The following SUMF2 variants were observed in gnomAD, a reference collection of about 807,000 sequenced individuals.
SUMF2 encodes the protein inactive C-alpha-formylglycine-generating enzyme 2.
SUMF2 carries 45 observed loss-of-function variants against 44.8 expected under a neutral mutation model. That is an observed-to-expected ratio of 1.00 (90% CI 0.79 to 1.29). The LOEUF is 1.29. Ranked by LOEUF, SUMF2 falls within the 50% of genes most tolerant of loss-of-function variation. The probability of loss-of-function intolerance (pLI) is 0.00; values close to 1 mark genes in which losing one functional copy is unlikely to be tolerated. For synonymous variants in SUMF2, 148 were observed against 150.4 expected, an observed-to-expected ratio of 0.98 and a Z score of 0.12; for missense variants, 418 against 389.9, an observed-to-expected ratio of 1.07 and a Z score of -0.61.
At chr7:56,082,755 C>G (rs1352982507), downstream of SUMF2, among the ~76,000 whole-genome samples, 1 of 152,308 alleles carries the variant, frequency 6.6e-6, no homozygotes, top group East Asian at 1.9e-4. Context: ...CTGGTCACTT[C>G]TAGCCATCCT....
the SUMF2 span, chr7:56,087,167 A>G: frequency 8.9e-6 from 6 of 671,154 alleles, no homozygotes; most frequent in East Asian, 2.6e-5. Flanking sequence ...AAAGACGTCA[A>G]CCTGGGATGT....
chr7:56,081,805 A>G (rs775024499), downstream of SUMF2: 22 of 1,607,292 alleles, frequency 1.4e-5, no homozygotes, highest in East Asian at 4.7e-4. The surrounding 1 kb of genome is among the most constrained non-coding windows in gnomAD (Gnocchi z 4.6). Flanking sequence ...GGTCCCCTCC[A>G]GCATGTCAGG....
chr7:56,079,864 A>G lies in SUMF2; in HGVS notation c.*252A>G. 6.5e-7 allele frequency: 1 copy of G among 1,545,710 alleles called. No individual in the cohort carries two copies. Among genetic ancestry groups the G allele is most frequent in the African/African-American group, 1.4e-5 (1 of 72,916 alleles). ...CAGGTGTTTCTGTTAGAGGCCAAGTATTATTGACACAGGATTGCAAACACA... is the reference window on the plus strand; with the variant it reads ...CAGGTGTTTCTGTTAGAGGCCAAGTGTTATTGACACAGGATTGCAAACACA... On this transcript the variant is annotated 3_prime_UTR_variant, in exon 9 of 9. Coordinates refer to ENST00000434526, the MANE Select transcript of SUMF2 (RefSeq NM_015411.4).
intron 5 of SUMF2, among the ~76,000 whole-genome samples, chr7:56,075,364 C>T (rs1795465649): frequency 6.6e-6 from 1 of 152,008 alleles, no homozygotes; most frequent in Non-Finnish European, 1.5e-5. Flanking sequence ...ACCAAGACTA[C>T]ACACTTCTGC....
At chr7:56,081,639 C>G (rs1051312547), downstream of SUMF2, 2 of 1,613,526 alleles carry the variant, frequency 1.2e-6, no homozygotes, top group Non-Finnish European at 1.7e-6. The surrounding 1 kb of genome is among the most constrained non-coding windows in gnomAD (Gnocchi z 4.6). Flanking sequence ...CCTTGAACTT[C>G]CCCCGGGGGC....
In SUMF2 at chr7:56,064,338, G is replaced by A. The variant is rs377230526; in HGVS notation, c.27G>A (p.Leu9=). The change falls in exon 1 of 9, where the codon CTG becomes CTA. Residue 9 remains leucine (L), a synonymous_variant. Transcript: ENST00000434526. Reference sequence around the variant, plus strand: ...TGGCCCGGCATGGGTTACCGCTGCTGCCCCTGCTGTCGCTCCTGGTCGGCG... The same window carrying A: ...TGGCCCGGCATGGGTTACCGCTGCTACCCCTGCTGTCGCTCCTGGTCGGCG... The part of the protein sequence containing the change: MARHGLPL[L]PLLSLLVGAW... 14 of 1,601,852 alleles carry A rather than the reference G, an allele frequency of 8.7e-6. No homozygotes were observed. The highest frequency in any genetic ancestry group is 4.0e-5 in the African/African-American group (3 of 74,910).
chr7:56,078,309 T>C, intron 7 of SUMF2, 55 bp from the exon 8 acceptor site: 4 of 1,558,344 alleles, frequency 2.6e-6, no homozygotes, highest in Non-Finnish European at 2.6e-6. Context: ...CCTCAGAGGG[T>C]AGGCGGGGTG....
intron 2 of SUMF2, among the ~76,000 whole-genome samples, chr7:56,072,540 T>C (rs1437360804): frequency 6.6e-6 from 1 of 151,952 alleles, no homozygotes; most frequent in Non-Finnish European, 1.5e-5. Flanking sequence ...CTGGCCAACA[T>C]GGTGAAACCC....
chr7:56,081,621 G>A (rs1279593899), downstream of SUMF2: 3 of 1,613,320 alleles, frequency 1.9e-6, no homozygotes, highest in South Asian at 2.2e-5. The surrounding 1 kb of genome is among the most constrained non-coding windows in gnomAD (Gnocchi z 4.6). Context: ...GGATCAGGAC[G>A]CTTAGTACCT....
chr7:56,081,252 G>C, downstream of SUMF2: 1 of 1,613,068 alleles, frequency 6.2e-7, no homozygotes, highest in South Asian at 1.1e-5. The surrounding 1 kb of genome is among the most constrained non-coding windows in gnomAD (Gnocchi z 4.6). Flanking sequence ...TCACCCGGCG[G>C]TACTGGTAGT....
intron 1 of SUMF2, among the ~76,000 whole-genome samples, chr7:56,065,698 C>T (rs1219431991): frequency 6.6e-6 from 1 of 152,072 alleles, no homozygotes; most frequent in East Asian, 1.9e-4. Context: ...CAAGCAATCC[C>T]TGCCTCAGTT....
chr7:56,064,404 G>A (rs1161628026), intron 1 of SUMF2, 26 bp downstream of exon 1: 3 of 1,588,322 alleles, frequency 1.9e-6, no homozygotes, highest in Middle Eastern at 1.7e-4. Flanking sequence ...GTCCATCCTG[G>A]GGGCGCTGGG....
chr7:56,065,879 G>A (rs1041056560), intron 1 of SUMF2, among the ~76,000 whole-genome samples: 5 of 151,902 alleles, frequency 3.3e-5, no homozygotes, highest in Non-Finnish European at 5.9e-5. Context: ...TCAGGAGTTC[G>A]AGCAGCCTGC....
At position 56,079,839 on chromosome 7, in the gene SUMF2, C is replaced by G. The variant is rs1045074503; in HGVS notation, c.*227C>G. On this transcript the variant is annotated 3_prime_UTR_variant, in exon 9 of 9. Transcript: ENST00000434526. The stretch of plus-strand genomic sequence containing the variant: ...ATGTGTGTTGACGATGGCTGGGGGC[C>G]AGGTGTTTCTGTTAGAGGCCAAGTA... The G allele has an allele frequency of 5.8e-6, 9 of 1,550,938 alleles. No individual in the cohort carries two copies. The Admixed American group carries it at 1.6e-4, about 27-fold the overall frequency.
At chr7:56,067,039 A>G (rs1267140971) in intron 1 of SUMF2, among the ~76,000 whole-genome samples, 4 of 152,242 alleles carry the variant, frequency 2.6e-5, no homozygotes, top group African/African-American at 9.6e-5. Flanking sequence ...TCATATATGT[A>G]TTATATGCTT....
intron 4 of SUMF2, 129 bp from the exon 5 acceptor site, chr7:56,074,457 C>T (rs1795397433): frequency 7.8e-7 from 1 of 1,281,954 alleles, no homozygotes. Context: ...CCACTGGTCA[C>T]TCACCCGGCT....
intron 1 of SUMF2, among the ~76,000 whole-genome samples, chr7:56,066,794 A>AT (rs1214003592): frequency 6.6e-6 from 1 of 152,054 alleles, no homozygotes; most frequent in East Asian, 1.9e-4. Flanking sequence ...TGATTTTTGT[A>AT]TTTTTAGTAG....
chr7:56,083,628 A>G (rs372802738), downstream of SUMF2: 29 of 1,567,598 alleles, frequency 1.8e-5, no homozygotes, highest in Middle Eastern at 6.7e-4. Context: ...GGGAGCGGAG[A>G]GAAGGGCAAA....
At chr7:56,081,952 C>T (rs147684619), downstream of SUMF2, 286 of 1,613,758 alleles carry the variant, frequency 1.8e-4, no homozygotes, top group Middle Eastern at 8.2e-4. This position sits in a 1 kb window ranked among gnomAD's most constrained non-coding sequence, Gnocchi z 4.6. Context: ...TGGTAGTTGC[C>T]GCTCATGATC....
Sources: gnomAD v4.1 joint callset for allele counts (sites outside exome capture counted in the v4.1 genomes callset) on GRCh38, gnomAD v4.1.1 for gene constraint, Gnocchi (gnomAD v3.1) non-coding constraint, MANE v1.5 for transcripts, NCBI Gene and HGNC (gene_info 2026-07-23, HGNC 2026-07-21) for gene names.